MEF2A: variants seen among roughly 807,000 people sequenced by gnomAD.
MEF2A encodes myocyte enhancer factor 2A, also known as myocyte-specific enhancer factor 2A.
A neutral mutation model predicts 55.8 loss-of-function variants in MEF2A; 28 were observed. That is an observed-to-expected ratio of 0.50 (90% confidence interval 0.37 to 0.69). The LOEUF (loss-of-function observed/expected upper bound fraction) is 0.69. Among genes scored for constraint, MEF2A ranks in the 30% least tolerant of loss-of-function variants. The pLI, the probability that MEF2A is intolerant of heterozygous loss-of-function variation, is 0.00. For synonymous variants in MEF2A, 239 were observed against 227.1 expected (o/e 1.05, Z -0.47); for missense variants, 528 against 626.2 (o/e 0.84, Z 1.67).
At chr15:99,709,056 T>C (rs2058344192) in intron 10 of MEF2A, among the ~76,000 whole-genome samples, 1 of 152,230 alleles carries the variant, frequency 6.6e-6, no homozygotes, top group African/African-American at 2.4e-5. Flanking sequence ...TTTAAAAAGA[T>C]GTCTTTGCTG....
chr15:99,599,517 G>C (rs1285422254), intron 2 of MEF2A, among the ~76,000 whole-genome samples: 1 of 152,020 alleles, frequency 6.6e-6, no homozygotes, highest in Non-Finnish European at 1.5e-5. Flanking sequence ...GTTCTTTGTT[G>C]AAGTATGATA....
At chr15:99,643,452 G>C (rs183044405) in intron 3 of MEF2A, among the ~76,000 whole-genome samples, 1 of 152,120 alleles carries the variant, frequency 6.6e-6, no homozygotes, top group Non-Finnish European at 1.5e-5. Flanking sequence ...ATAAGTGATA[G>C]TATTTTTCAT....
rs916177461 is a variant in MEF2A at position 99,712,549 on chromosome 15, A to C, written c.1296A>C (p.Pro432=). ...QQQQQQQPPP[P]PQPQPQPPQP... is the part of the protein sequence containing the mutation. ...AGCAGCAGCAGCAGCCGCCGCCACC[A>C]CCGCAGCCCCAGCCACAACCCCCGC... The change falls in exon 12 of 12, where the codon CCA becomes CCC. Residue 432 remains proline, a synonymous_variant. Coordinates refer to ENST00000557942, the MANE Select transcript of MEF2A (RefSeq NM_001319206.4). This position sits in a 1 kb window ranked among gnomAD's most constrained non-coding sequence, Gnocchi z 4.1. 33 of 1,550,060 alleles carry C rather than the reference A, an allele frequency of 2.1e-5. No individual in the cohort carries two copies. The African/African-American group carries it at 2.8e-4, about 13-fold the overall frequency.
chr15:99,593,916 A>T (rs1970225797), intron 1 of MEF2A, among the ~76,000 whole-genome samples: 2 of 152,144 alleles, frequency 1.3e-5, no homozygotes, highest in Non-Finnish European at 2.9e-5. Context: ...CCTATTTGAG[A>T]TAGGTAAAAA....
At chr15:99,656,199 G>C (rs2047677941) in intron 4 of MEF2A, among the ~76,000 whole-genome samples, 1 of 151,990 alleles carries the variant, frequency 6.6e-6, no homozygotes, top group Non-Finnish European at 1.5e-5. Context: ...GTGTGTAGGA[G>C]GTGATTCTTT....
chr15:99,612,135 G>GC (rs942523135), intron 2 of MEF2A, among the ~76,000 whole-genome samples: 3 of 152,142 alleles, frequency 2.0e-5, no homozygotes, highest in Non-Finnish European at 4.4e-5. Flanking sequence ...AAAACACCGG[G>GC]CCGGGGGCAG....
chr15:99,707,775 G>A (rs2058201914), intron 10 of MEF2A, among the ~76,000 whole-genome samples: 1 of 152,208 alleles, frequency 6.6e-6, no homozygotes, highest in East Asian at 1.9e-4. Flanking sequence ...GTAGACTGTG[G>A]TAAAGATGGT....
At chr15:99,649,228 A>C (rs535195065) in intron 4 of MEF2A, among the ~76,000 whole-genome samples, 6 of 152,168 alleles carry the variant, frequency 3.9e-5, no homozygotes, top group African/African-American at 1.4e-4. Context: ...GGATGTATAT[A>C]TCCCCTACAT....
chr15:99,680,981 G>T (rs1004365228), intron 7 of MEF2A, among the ~76,000 whole-genome samples: 3 of 152,078 alleles, frequency 2.0e-5, no homozygotes, highest in Non-Finnish European at 2.9e-5. Context: ...TTTCATAGAG[G>T]TAATTTGCTT....
intron 2 of MEF2A, among the ~76,000 whole-genome samples, chr15:99,628,497 C>T (rs2042391566): frequency 6.6e-6 from 1 of 151,832 alleles, no homozygotes; most frequent in African/African-American, 2.4e-5. Context: ...TTTGTCTTTC[C>T]TTTCTTGCCT....
intron 1 of MEF2A, among the ~76,000 whole-genome samples, 154 bp downstream of exon 1, chr15:99,566,258 C>T (rs559100824): frequency 3.9e-4 from 58 of 147,518 alleles, no homozygotes; most frequent in African/African-American, 1.4e-3. Context: ...TCCGGGGACC[C>T]CTGGACGAGG....
At chr15:99,700,117 C>T (rs1176952391) in intron 8 of MEF2A, among the ~76,000 whole-genome samples, 2 of 137,496 alleles carry the variant, frequency 1.5e-5, no homozygotes, top group Admixed American at 1.5e-4. Context: ...CTCAGCCTCC[C>T]GAAGTGCTGG....
chr15:99,582,849 A>C (rs533590452), intron 1 of MEF2A, among the ~76,000 whole-genome samples: 1 of 152,114 alleles, frequency 6.6e-6, no homozygotes, highest in Admixed American at 6.6e-5. Flanking sequence ...TATTACAGTA[A>C]TTTATAATTG....
intron 4 of MEF2A, among the ~76,000 whole-genome samples, chr15:99,665,557 G>A (rs1379620844): frequency 2.0e-5 from 3 of 151,826 alleles, no homozygotes; most frequent in Non-Finnish European, 4.4e-5. Context: ...AAAAACAATG[G>A]CAACAAAAGC....
Position 99,671,397 on chromosome 15 carries a change from G to A in MEF2A, c.333G>A (p.Ser111=), listed in dbSNP as rs3198317. ...ADDYFEHSPL[S]EDRFSKLNED... is the part of the protein sequence containing the mutation. Reference sequence around the variant, plus strand: ...ATTACTTTGAGCACAGTCCACTCTCGGAGGACAGATTCAGCAAACTAAATG... The same window carrying A: ...ATTACTTTGAGCACAGTCCACTCTCAGAGGACAGATTCAGCAAACTAAATG... The change falls in exon 5 of 12, where the codon TCG becomes TCA. Residue 111 remains serine, a synonymous_variant. Coordinates refer to ENST00000557942, the MANE Select transcript of MEF2A (RefSeq NM_001319206.4). 25 of 1,613,690 alleles carry A rather than the reference G, an allele frequency of 1.5e-5. No homozygotes were observed. The highest frequency in any genetic ancestry group is 3.3e-5 in the South Asian group (3 of 91,080).
At chr15:99,676,717 C>G (rs1188262483) in intron 7 of MEF2A, among the ~76,000 whole-genome samples, 1 of 151,902 alleles carries the variant, frequency 6.6e-6, no homozygotes, top group Non-Finnish European at 1.5e-5. Context: ...CTACAGGTGC[C>G]CGCCACCACG....
chr15:99,603,404 A>T, intron 2 of MEF2A, among the ~76,000 whole-genome samples: 2 of 146,322 alleles, frequency 1.4e-5, no homozygotes, highest in South Asian at 2.1e-4. Context: ...AGACAGTCTC[A>T]CTCTGTTACC....
chr15:99,703,351 G>T lies in MEF2A; in HGVS notation c.859-11G>T. ...AGTAACTCTCTTATCCCTCTTATGT[G>T]CTGAGTACAGTCGGAGGAAGAGGAA... On this transcript the variant is annotated splice_polypyrimidine_tract_variant and intron_variant, in intron 8 of 11. Coordinates refer to ENST00000557942, the MANE Select transcript of MEF2A (RefSeq NM_001319206.4). 2 of 1,612,284 alleles carry T rather than the reference G, an allele frequency of 1.2e-6. No individual in the cohort carries two copies. The highest frequency in any genetic ancestry group is 2.2e-5 in the South Asian group (2 of 90,860).
intron 1 of MEF2A, among the ~76,000 whole-genome samples, chr15:99,581,504 ACT>A (rs1965915108): frequency 6.7e-6 from 1 of 149,708 alleles, no homozygotes; most frequent in Admixed American, 6.7e-5. Context: ...ATTTGCCAAA[ACT>A]CTTTCTTTTT....
Sources: gnomAD v4.1 joint callset for allele counts (sites outside exome capture counted in the v4.1 genomes callset) on GRCh38, gnomAD v4.1.1 for gene constraint, Gnocchi (gnomAD v3.1) non-coding constraint, MANE v1.5 for transcripts, NCBI Gene and HGNC (gene_info 2026-07-23, HGNC 2026-07-21) for gene names.